Variants in ELAVL4 observed in about 807,000 individuals in gnomAD.
ELAVL4 encodes the protein ELAV like RNA binding protein 4.
In ELAVL4, 1 loss-of-function variant was observed where a neutral mutation model predicts 35.6. That is an observed-to-expected ratio of 0.03 (90% CI 0.01 to 0.13). The LOEUF (loss-of-function observed/expected upper bound fraction) is 0.13, where lower values mean the gene tolerates loss of function less well. ELAVL4 is among the 10% of genes least tolerant of loss of function. The pLI, the probability that ELAVL4 is intolerant of heterozygous loss-of-function variation, is 1.00. For missense variants in ELAVL4, 267 were observed against 464.9 expected (o/e 0.57, Z 3.91); for synonymous variants, 156 against 171.0 (o/e 0.91, Z 0.69).
intron 1 of ELAVL4, among the ~76,000 whole-genome samples, chr1:50,053,393 A>G (rs1470395001): frequency 1.3e-5 from 2 of 152,078 alleles, no homozygotes; most frequent in Non-Finnish European, 2.9e-5. Flanking sequence ...CTGTCACCCA[A>G]ACTGGAGTGT....
chr1:50,164,988 G>C (rs988276865), intron 2 of ELAVL4, among the ~76,000 whole-genome samples: 1 of 152,114 alleles, frequency 6.6e-6, no homozygotes, highest in African/African-American at 2.4e-5. Flanking sequence ...CAGTCTAGCG[G>C]GGAACAGAGA....
intron 3 of ELAVL4, among the ~76,000 whole-genome samples, chr1:50,183,903 T>C (rs1348969047): frequency 6.6e-6 from 1 of 152,176 alleles, no homozygotes; most frequent in Non-Finnish European, 1.5e-5. Flanking sequence ...GTCTTGTTAA[T>C]AGTAAAAAGG....
intron 2 of ELAVL4, among the ~76,000 whole-genome samples, chr1:50,173,977 T>C (rs1225792142): frequency 6.6e-6 from 1 of 152,222 alleles, no homozygotes; most frequent in Non-Finnish European, 1.5e-5. Flanking sequence ...AGTGTTGCTA[T>C]TTTTTGTGAA....
chr1:50,130,712 TTCTC>T (rs1012728223), intron 1 of ELAVL4, among the ~76,000 whole-genome samples: 3 of 152,152 alleles, frequency 2.0e-5, no homozygotes, highest in African/African-American at 7.2e-5. Context: ...CAGGAACTCT[TTCTC>T]TCTCCTTCAT....
chr1:50,179,148 G>A (rs67874885), intron 3 of ELAVL4, among the ~76,000 whole-genome samples: 23,877 of 151,808 alleles, frequency 0.16, 2,267 homozygotes, highest in East Asian at 0.26. Flanking sequence ...GCCTCCTTCC[G>A]TTATCTATAT....
intron 3 of ELAVL4, 136 bp from the exon 4 acceptor site, chr1:50,193,629 C>A: frequency 9.3e-7 from 1 of 1,075,510 alleles, no homozygotes; most frequent in Non-Finnish European, 1.3e-6. Context: ...AGCTAAAAAT[C>A]TGAACTACTG....
chr1:50,086,071 CT>C (rs960043665), intron 1 of ELAVL4, among the ~76,000 whole-genome samples: 4 of 151,262 alleles, frequency 2.6e-5, no homozygotes, highest in East Asian at 3.9e-4. Context: ...AAGCAGTGAT[CT>C]TTTTTTTTGT....
At chr1:50,120,498 GGTTTT>G (rs1002621468) in intron 1 of ELAVL4, among the ~76,000 whole-genome samples, 2 of 152,038 alleles carry the variant, frequency 1.3e-5, no homozygotes, top group African/African-American at 4.8e-5. Context: ...GTTTTGACTT[GGTTTT>G]GACTTTGAAT....
chr1:50,174,247 A>G (rs1679569777), intron 2 of ELAVL4: 1 of 152,204 alleles, frequency 6.6e-6, no homozygotes, highest in Admixed American at 6.5e-5. Context: ...CTGAACTCCT[A>G]TGATGGTGAG....
chr1:50,165,502 A>G (rs890433985), intron 2 of ELAVL4, among the ~76,000 whole-genome samples: 7 of 150,094 alleles, frequency 4.7e-5, no homozygotes, highest in African/African-American at 1.5e-4. Flanking sequence ...GTATACATGT[A>G]TATACTATGC....
At position 50,192,105 on chromosome 1, in the gene ELAVL4, C is replaced by A. The variant is rs148182520; in HGVS notation, c.355-1660C>A. ...CACACTGCAAATGCACACACTGGGA[C>A]CCCCTATATAAAGGCCCCTCTACAT... On this transcript the variant is annotated intron_variant, in intron 3 of 6. Coordinates refer to ENST00000371824, the MANE Select transcript of ELAVL4 (RefSeq NM_001144774.3). 5.8e-3 allele frequency among the ~76,000 whole-genome samples: 882 copies of A among 152,224 alleles called. 11 individuals are homozygous for A. Among genetic ancestry groups the A allele is most frequent in the African/African-American group, 0.02 (846 of 41,548 alleles).
At chr1:50,165,690 A>T (rs1677708839) in intron 2 of ELAVL4, among the ~76,000 whole-genome samples, 1 of 148,756 alleles carries the variant, frequency 6.7e-6, no homozygotes, top group Non-Finnish European at 1.5e-5. Context: ...ATACATATAT[A>T]CACACATATA....
intron 3 of ELAVL4, among the ~76,000 whole-genome samples, chr1:50,184,319 A>AG (rs1479395398): frequency 6.6e-6 from 1 of 151,930 alleles, no homozygotes; most frequent in Non-Finnish European, 1.5e-5. Context: ...ACAGGTTTTC[A>AG]GAAGTACATG....
chr1:50,052,285 CTCA>C (rs1271723517), intron 1 of ELAVL4, among the ~76,000 whole-genome samples: 3 of 152,070 alleles, frequency 2.0e-5, no homozygotes, highest in African/African-American at 7.2e-5. Context: ...CCCCAAAATA[CTCA>C]TCATGTACCA....
chr1:50,140,608 T>C (rs551938983), intron 1 of ELAVL4, among the ~76,000 whole-genome samples: 1 of 152,334 alleles, frequency 6.6e-6, no homozygotes, highest in South Asian at 2.1e-4. Flanking sequence ...ATTTTTTTTT[T>C]CAGCCTGTGT....
chr1:50,126,579 A>G (rs1326303636), intron 1 of ELAVL4, among the ~76,000 whole-genome samples: 3 of 152,166 alleles, frequency 2.0e-5, no homozygotes, highest in Non-Finnish European at 4.4e-5. Flanking sequence ...GAATGTAGAC[A>G]TAAACCTTTA....
At chr1:50,115,685 C>T (rs1281953205) in intron 1 of ELAVL4, among the ~76,000 whole-genome samples, 2 of 152,062 alleles carry the variant, frequency 1.3e-5, no homozygotes, top group Admixed American at 6.6e-5. Context: ...GTTTGCACTT[C>T]GTAGCATTGA....
intron 1 of ELAVL4, among the ~76,000 whole-genome samples, chr1:50,077,210 T>C (rs1664802786): frequency 6.6e-6 from 1 of 152,086 alleles, no homozygotes; most frequent in African/African-American, 2.4e-5. Flanking sequence ...AGGGGAGACA[T>C]ATAGGGAATT....
chr1:50,201,390 G>T lies in ELAVL4; in HGVS notation c.*212G>T. 29 of 239,792 alleles carry T rather than the reference G, an allele frequency of 1.2e-4. No individual in the cohort carries two copies. Among genetic ancestry groups the T allele is most frequent in the East Asian group, 2.6e-4 (3 of 11,628 alleles). The allele number at this position is 239,792 out of a possible 1,614,324, so 14.9% of individuals were successfully genotyped here. A position where few individuals can be genotyped will look rare whatever the true frequency, so the allele number is the denominator to read the frequency against. On this transcript the variant is annotated 3_prime_UTR_variant, in exon 7 of 7. Coordinates refer to ENST00000371824, the MANE Select transcript of ELAVL4 (RefSeq NM_001144774.3). The surrounding 1 kb of genome is among the most constrained non-coding windows in gnomAD (Gnocchi z 4.3). Reference sequence around the variant, plus strand: ...GGATTTTATAATGCTTAGAAAAAAAGAAAAAAAAAAAACAAAAAATACCTT... The same window carrying T: ...GGATTTTATAATGCTTAGAAAAAAATAAAAAAAAAAAACAAAAAATACCTT...
Sources: allele counts gnomAD v4.1 joint callset (sites outside exome capture counted in the v4.1 genomes callset), GRCh38; gene constraint gnomAD v4.1.1; non-coding constraint Gnocchi (gnomAD v3.1); transcripts MANE v1.5; gene names NCBI Gene and HGNC (gene_info 2026-07-23, HGNC 2026-07-21).